Variants in WDFY1 observed in about 807,000 individuals in gnomAD.
The protein encoded by WDFY1 is WD repeat and FYVE domain containing 1, also known as WD repeat and FYVE domain-containing protein 1.
Under a neutral mutation model 56.4 loss-of-function variants are expected in WDFY1, and 32 were observed. The ratio of observed to expected loss-of-function variants is 0.57; its 90% CI spans 0.43 to 0.76. The LOEUF (loss-of-function observed/expected upper bound fraction) is 0.76, where lower values mean the gene tolerates loss of function less well. Among genes scored for constraint, WDFY1 ranks in the 30% least tolerant of loss-of-function variants. The pLI is 0.00. For missense variants in WDFY1, 480 were observed against 545.7 expected (o/e 0.88, Z 1.20); for synonymous variants, 192 against 197.3 (o/e 0.97, Z 0.23).
At chr2:223,914,644 T>C (rs1401800249) in intron 2 of WDFY1, among the ~76,000 whole-genome samples, 4 of 152,232 alleles carry the variant, frequency 2.6e-5, no homozygotes, top group Non-Finnish European at 5.9e-5. Context: ...GTGAGAAGCA[T>C]AGGTTTGGAG....
intron 3 of WDFY1, among the ~76,000 whole-genome samples, chr2:223,910,433 G>C (rs1693674908): frequency 6.7e-6 from 1 of 148,198 alleles, no homozygotes; most frequent in Non-Finnish European, 1.5e-5. Flanking sequence ...AGATAAATTG[G>C]ACTTCACCAA....
Position 223,876,540 on chromosome 2 carries a change from T to C in WDFY1, c.*2131A>G, listed in dbSNP as rs1692975778. 1 of 152,280 alleles carries C rather than the reference T, an allele frequency of 6.6e-6. No individual in the cohort carries two copies. Among genetic ancestry groups the C allele is most frequent in the African/African-American group, 2.4e-5 (1 of 41,472 alleles). 9.4% of individuals were successfully genotyped at this position (152,280 alleles called of 1,614,324 possible). A position where few individuals can be genotyped will look rare whatever the true frequency, so the allele number is the denominator to read the frequency against. On this transcript the variant is annotated 3_prime_UTR_variant, in exon 12 of 12. Coordinates refer to ENST00000233055, the MANE Select transcript of WDFY1 (RefSeq NM_020830.5). ...AACATCAGCCTTTCCTTTTCTAAGA[T>C]ACGTCACTCCAATTCTTCCTTAAAT...
intron 6 of WDFY1, 26 bp downstream of exon 6, chr2:223,898,932 A>T: frequency 1.9e-6 from 3 of 1,601,616 alleles, no homozygotes; most frequent in Non-Finnish European, 2.6e-6. Context: ...AGGCAAAAAA[A>T]ACTCTTGGGT....
chr2:223,922,861 A>C (rs1184698243), intron 1 of WDFY1, among the ~76,000 whole-genome samples: 2 of 152,210 alleles, frequency 1.3e-5, no homozygotes, highest in Non-Finnish European at 2.9e-5. Flanking sequence ...AACTAGCCCA[A>C]AGTCAAAATC....
At chr2:223,911,818 CTTTTT>C (rs11311685) in intron 3 of WDFY1, among the ~76,000 whole-genome samples, 4 of 141,398 alleles carry the variant, frequency 2.8e-5, no homozygotes, top group East Asian at 2.0e-4. Context: ...CTGAATTAAA[CTTTTT>C]TTTTTTTTTT....
rs1692973817 is a variant in WDFY1 at position 223,876,454 on chromosome 2, C to A, written c.*2217G>T. The A allele has an allele frequency of 1.3e-5, 2 of 152,504 alleles. No homozygotes were observed. The highest frequency in any genetic ancestry group is 2.4e-5 in the African/African-American group (1 of 41,420). 9.4% of individuals were successfully genotyped at this position (152,504 alleles called of 1,614,324 possible). A position where few individuals can be genotyped will look rare whatever the true frequency, so the allele number is the denominator to read the frequency against. On this transcript the variant is annotated 3_prime_UTR_variant, in exon 12 of 12. Transcript: ENST00000233055. ...TAGCATATGAGAGAGACAAGACTAG[C>A]CTGTCACGTTTGTCTCTAAAAAGAA...
intron 1 of WDFY1, among the ~76,000 whole-genome samples, chr2:223,923,347 A>G (rs1020002611): frequency 6.6e-6 from 1 of 152,240 alleles, no homozygotes; most frequent in Admixed American, 6.5e-5. Flanking sequence ...AAGTTGGGCC[A>G]CTTATTTAAA....
intron 6 of WDFY1, among the ~76,000 whole-genome samples, chr2:223,896,114 C>G (rs747788990): frequency 3.8e-5 from 5 of 129,932 alleles, no homozygotes; most frequent in Non-Finnish European, 4.7e-5. Context: ...CAAGATAGCA[C>G]CACTGCGCTC....
At chr2:223,896,498 C>T (rs1693381172) in intron 6 of WDFY1, among the ~76,000 whole-genome samples, 1 of 152,194 alleles carries the variant, frequency 6.6e-6, no homozygotes, top group Admixed American at 6.5e-5. Context: ...CTGAACTTCA[C>T]ATTTCATACT....
At chr2:223,890,160 G>C (rs942665583) in intron 8 of WDFY1, among the ~76,000 whole-genome samples, 1 of 152,154 alleles carries the variant, frequency 6.6e-6, no homozygotes, top group African/African-American at 2.4e-5. Flanking sequence ...GCATGATTCT[G>C]TTTACAGGTT....
intron 1 of WDFY1, among the ~76,000 whole-genome samples, chr2:223,920,731 G>A (rs192005532): frequency 1.4e-4 from 22 of 152,304 alleles, no homozygotes; most frequent in African/African-American, 3.4e-4. Context: ...AAACCATCTC[G>A]TGAAAAATGG....
intron 2 of WDFY1, among the ~76,000 whole-genome samples, chr2:223,914,924 T>A (rs190591157): frequency 6.6e-5 from 10 of 152,308 alleles, no homozygotes; most frequent in Admixed American, 6.5e-4. Context: ...TATAGCAATA[T>A]ACTAAGGCTT....
At chr2:223,879,910 C>T (rs1693036878) in intron 11 of WDFY1, among the ~76,000 whole-genome samples, 1 of 152,122 alleles carries the variant, frequency 6.6e-6, no homozygotes, top group Non-Finnish European at 1.5e-5. Context: ...ACTCACTCTG[C>T]CAGACAGACA....
At chr2:223,938,274 G>A (rs1389743551) in intron 1 of WDFY1, among the ~76,000 whole-genome samples, 1 of 152,134 alleles carries the variant, frequency 6.6e-6, no homozygotes, top group Non-Finnish European at 1.5e-5. Flanking sequence ...AAGACAGTAG[G>A]CCTATAGCCT....
chr2:223,875,826 G>A lies in WDFY1; in HGVS notation c.*2845C>T, dbSNP rs1692960573. On this transcript the variant is annotated 3_prime_UTR_variant, in exon 12 of 12. Transcript: ENST00000233055. ...GATACCATATCCAATAACGGAAGTA[G>A]AAGTACTTTAACGAAAACTGATTTT... The A allele has an allele frequency of 1.3e-5, 2 of 152,132 alleles. No individual in the cohort carries two copies. The highest frequency in any genetic ancestry group is 4.8e-5 in the African/African-American group (2 of 41,434). The allele number at this position is 152,132 out of a possible 1,614,324, so 9.4% of individuals were successfully genotyped here. A position where few individuals can be genotyped will look rare whatever the true frequency, so the allele number is the denominator to read the frequency against.
At chr2:223,892,283 T>C (rs1465248635) in intron 8 of WDFY1, among the ~76,000 whole-genome samples, 1 of 152,224 alleles carries the variant, frequency 6.6e-6, no homozygotes, top group Non-Finnish European at 1.5e-5. Context: ...CCACATCCTA[T>C]ACTATTGAGC....
chr2:223,907,292 G>C (rs769519805), intron 3 of WDFY1, among the ~76,000 whole-genome samples: 1 of 152,038 alleles, frequency 6.6e-6, no homozygotes, highest in Non-Finnish European at 1.5e-5. Context: ...TACTATTATT[G>C]ATCAATGCTA....
At chr2:223,892,634 G>A (rs1693298111) in intron 8 of WDFY1, among the ~76,000 whole-genome samples, 1 of 152,166 alleles carries the variant, frequency 6.6e-6, no homozygotes, top group African/African-American at 2.4e-5. Flanking sequence ...TGCTAAAAAT[G>A]AAGGTTTAAT....
intron 6 of WDFY1, among the ~76,000 whole-genome samples, chr2:223,898,659 GC>G (rs895206338): frequency 2.5e-4 from 38 of 152,034 alleles, no homozygotes; most frequent in Non-Finnish European, 3.7e-4. Flanking sequence ...ACCTAATTCG[GC>G]CCCCAAAGTG....
Sources: allele counts gnomAD v4.1 joint callset (sites outside exome capture counted in the v4.1 genomes callset), GRCh38; gene constraint gnomAD v4.1.1; transcripts MANE v1.5; gene names NCBI Gene and HGNC (gene_info 2026-07-23, HGNC 2026-07-21).